The following C5orf15 variants were observed in gnomAD, a reference collection of about 807,000 sequenced individuals.
C5orf15 encodes chromosome 5 open reading frame 15, also known as keratinocyte-associated transmembrane protein 2.
A neutral mutation model predicts 17.8 loss-of-function variants in C5orf15; 10 were observed. That is an observed-to-expected ratio of 0.56 (90% CI 0.35 to 0.95). The LOEUF (loss-of-function observed/expected upper bound fraction) is 0.95, where lower values mean the gene tolerates loss of function less well. Among genes scored for constraint, C5orf15 ranks in the 40% least tolerant of loss-of-function variants. The pLI, the probability that C5orf15 is intolerant of heterozygous loss-of-function variation, is 0.02. For missense variants in C5orf15, 319 were observed against 331.7 expected (o/e 0.96, Z 0.30); for synonymous variants, 124 against 131.0 (o/e 0.95, Z 0.36).
chr5:133,968,595 G>A lies in C5orf15; in HGVS notation c.-11C>T, dbSNP rs1752232603. The A allele has an allele frequency of 1.1e-5, 18 of 1,601,896 alleles. No homozygotes were observed. The highest frequency in any genetic ancestry group is 1.7e-4 in the Middle Eastern group (1 of 6,040). On this transcript the variant is annotated 5_prime_UTR_variant, in exon 1 of 3. Transcript: ENST00000231512. ...GACGGCAGCGGCCATAACGGACTCGGCTGGGAGCCTGCGCTGTTGCTAGGC... is the reference window on the plus strand; with the variant it reads ...GACGGCAGCGGCCATAACGGACTCGACTGGGAGCCTGCGCTGTTGCTAGGC...
Position 133,968,433 on chromosome 5 carries a change from C to T in C5orf15, c.139+13G>A, listed in dbSNP as rs918879778. 5 of 1,601,870 alleles carry T rather than the reference C, an allele frequency of 3.1e-6. No individual in the cohort carries two copies. The highest frequency in any genetic ancestry group is 2.2e-5 in the East Asian group (1 of 44,486). On this transcript the variant is annotated intron_variant, in intron 1 of 2. Coordinates refer to ENST00000231512, the MANE Select transcript of C5orf15 (RefSeq NM_020199.3). Reference sequence around the variant, plus strand: ...CCTAGCCTTCCTAAGCCCACACTGCCGCCCCCCTTTACCACTGGATAGAGC... The same window carrying T: ...CCTAGCCTTCCTAAGCCCACACTGCTGCCCCCCTTTACCACTGGATAGAGC...
At position 133,968,614 on chromosome 5, in the gene C5orf15, G is replaced by A; in HGVS notation, c.-30C>T. 6.3e-7 allele frequency: 1 copy of A among 1,588,180 alleles called. No individual in the cohort carries two copies. The highest frequency in any genetic ancestry group is 8.6e-7 in the Non-Finnish European group (1 of 1,167,528). On this transcript the variant is annotated 5_prime_UTR_variant, in exon 1 of 3. Transcript: ENST00000231512. Reference sequence around the variant, plus strand: ...GACTCGGCTGGGAGCCTGCGCTGTTGCTAGGCTCTACGCCATGAGGTCAGA... The same window carrying A: ...GACTCGGCTGGGAGCCTGCGCTGTTACTAGGCTCTACGCCATGAGGTCAGA...
intron 2 of C5orf15, 99 bp downstream of exon 2, chr5:133,959,395 T>C (rs367726392): frequency 1.5e-5 from 12 of 818,654 alleles, no homozygotes; most frequent in Admixed American, 8.1e-5. Context: ...CCCACTACAC[T>C]TTTTTTTGCA....
chr5:133,960,717 C>G (rs187498109), intron 1 of C5orf15, among the ~76,000 whole-genome samples: 1 of 152,116 alleles, frequency 6.6e-6, no homozygotes, highest in Non-Finnish European at 1.5e-5. Context: ...GCAAATGACA[C>G]CAAATACACA....
chr5:133,967,742 T>C (rs1752216562), intron 1 of C5orf15, among the ~76,000 whole-genome samples: 1 of 152,152 alleles, frequency 6.6e-6, no homozygotes, highest in Non-Finnish European at 1.5e-5. Context: ...CCTCTCTGCC[T>C]CCCAAGCCTT....
chr5:133,957,125 T>C, intron 2 of C5orf15, 135 bp from the exon 3 acceptor site: 1 of 754,670 alleles, frequency 1.3e-6, no homozygotes, highest in Non-Finnish European at 2.1e-6. Flanking sequence ...AAAGCTATTT[T>C]AGGCCGAGGC....
intron 1 of C5orf15, among the ~76,000 whole-genome samples, chr5:133,963,914 C>T (rs1360049684): frequency 6.6e-6 from 1 of 152,142 alleles, no homozygotes; most frequent in Non-Finnish European, 1.5e-5. Context: ...TAGAATATTA[C>T]TCAGCAATTT....
Position 133,956,943 on chromosome 5 carries a change from G to A in C5orf15, c.714C>T (p.Ser238=). 1 of 1,611,176 alleles carries A rather than the reference G, an allele frequency of 6.2e-7. No homozygotes were observed. Residue 238 remains serine, a synonymous_variant, in exon 3 of 3, where the codon TCC becomes TCT. Transcript: ENST00000231512. The part of the protein sequence containing the change: ...QSRKWRDGLC[S]KTVEYHRLDQ... ...CTAGGCGATGGTATTCCACTGTTTT[G>A]GAACAAAGGCCATCACGCCATTTCC...
intron 1 of C5orf15, among the ~76,000 whole-genome samples, chr5:133,965,269 G>A (rs979831916): frequency 1.3e-5 from 2 of 152,014 alleles, no homozygotes; most frequent in African/African-American, 2.4e-5. Flanking sequence ...TCAGCAAAAC[G>A]CCACTCATTC....
Position 133,956,779 on chromosome 5 carries a change from G to C in C5orf15, c.*80C>G. On this transcript the variant is annotated 3_prime_UTR_variant, in exon 3 of 3. Transcript: ENST00000231512. ...CTCACCTCTCATTTAAGTACCAATT[G>C]CCTATGGCAAACATTTGCACAATAT... is the stretch of plus-strand genomic sequence containing the variant. The C allele has an allele frequency of 1.4e-6, 2 of 1,433,706 alleles. No individual in the cohort carries two copies. Among genetic ancestry groups the C allele is most frequent in the Non-Finnish European group, 1.9e-6 (2 of 1,075,358 alleles). 88.8% of individuals were successfully genotyped at this position (1,433,706 alleles called of 1,614,324 possible).
intron 2 of C5orf15, among the ~76,000 whole-genome samples, chr5:133,957,676 T>G (rs1752058869): frequency 6.6e-6 from 1 of 151,468 alleles, no homozygotes. Flanking sequence ...CCAGAAGAGT[T>G]GGTTGGTTTG....
intron 1 of C5orf15, among the ~76,000 whole-genome samples, chr5:133,963,442 C>T (rs1366227747): frequency 6.6e-6 from 1 of 152,168 alleles, no homozygotes; most frequent in Admixed American, 6.5e-5. Flanking sequence ...ACACACTCTT[C>T]CCTGTTTCTC....
chr5:133,965,563 T>C (rs552991203), intron 1 of C5orf15, among the ~76,000 whole-genome samples: 1 of 152,340 alleles, frequency 6.6e-6, no homozygotes, highest in Non-Finnish European at 1.5e-5. Flanking sequence ...TATGAGCATA[T>C]AAATAAGACT....
At position 133,959,991 on chromosome 5, in the gene C5orf15, T is replaced by C. The variant is rs759300010; in HGVS notation, c.169A>G (p.Thr57Ala). 15 of 1,611,500 alleles carry C rather than the reference T, an allele frequency of 9.3e-6. No individual in the cohort carries two copies. Among genetic ancestry groups the C allele is most frequent in the East Asian group, 6.7e-5 (3 of 44,836 alleles). ...GTAGAAATATGTGAGTTGAGTACGG[T>C]TGGGCTCGGTGAATCAGTCCGTGAT... ...VVSRTDSPSP[T>A]VLNSHISTPN... The change falls in exon 2 of 3, where the codon ACC (threonine) becomes GCC (alanine). Residue 57 changes from threonine to alanine, a missense_variant. This residue lies in a region of C5orf15 where 127 missense variants were observed against 95.6 expected (regional missense o/e 1.33). Coordinates refer to ENST00000231512, the MANE Select transcript of C5orf15 (RefSeq NM_020199.3).
chr5:133,961,126 G>A (rs1260076774), intron 1 of C5orf15, among the ~76,000 whole-genome samples: 1 of 148,422 alleles, frequency 6.7e-6, no homozygotes, highest in Non-Finnish European at 1.5e-5. Flanking sequence ...AATACACTCT[G>A]GTTTGTGTAC....
At chr5:133,958,370 A>C (rs1253915508) in intron 2 of C5orf15, among the ~76,000 whole-genome samples, 1 of 152,066 alleles carries the variant, frequency 6.6e-6, no homozygotes, top group Non-Finnish European at 1.5e-5. Context: ...TGAGGCCAGG[A>C]GTTTGAGACC....
In C5orf15 at chr5:133,968,567, C is replaced by A; in HGVS notation, c.18G>T (p.Pro6=). 1.2e-6 allele frequency: 2 copies of A among 1,609,466 alleles called. No homozygotes were observed. Among genetic ancestry groups the A allele is most frequent in the Non-Finnish European group, 1.7e-6 (2 of 1,178,436 alleles). Residue 6 remains proline (P), a synonymous_variant, in exon 1 of 3, where the codon CCG becomes CCT. Transcript: ENST00000231512. The part of the protein sequence containing the change: MAAAV[P]KRMRGPAQAK... ...CTTGTGCTGGCCCCCTCATCCTCTTCGGGACGGCAGCGGCCATAACGGACT... is the reference window on the plus strand; with the variant it reads ...CTTGTGCTGGCCCCCTCATCCTCTTAGGGACGGCAGCGGCCATAACGGACT...
intron 1 of C5orf15, among the ~76,000 whole-genome samples, chr5:133,965,111 T>A (rs1752173501): frequency 6.6e-6 from 1 of 152,120 alleles, no homozygotes; most frequent in South Asian, 2.1e-4. Context: ...AACAGCTCTA[T>A]CCCCATTACC....
chr5:133,967,304 T>C (rs1255279242), intron 1 of C5orf15: 2 of 152,210 alleles, frequency 1.3e-5, no homozygotes, highest in African/African-American at 4.8e-5. Context: ...CACTGAAATG[T>C]TGCTGAGGAA....
Sources: allele counts gnomAD v4.1 joint callset (sites outside exome capture counted in the v4.1 genomes callset), GRCh38; gene constraint gnomAD v4.1.1; regional missense constraint gnomAD v4.1.1; transcripts MANE v1.5; gene names NCBI Gene and HGNC (gene_info 2026-07-23, HGNC 2026-07-21).